Variants in LIX1L observed in about 807,000 individuals in gnomAD.
LIX1L encodes the protein LIX1-like protein.
Under a neutral mutation model 34.0 loss-of-function variants are expected in LIX1L, and 20 were observed. That is an observed-to-expected ratio of 0.59 (90% confidence interval 0.41 to 0.85). The LOEUF (loss-of-function observed/expected upper bound fraction) is 0.85, where lower values mean the gene tolerates loss of function less well. Among genes scored for constraint, LIX1L ranks in the 40% least tolerant of loss-of-function variants. The pLI, the probability that LIX1L is intolerant of heterozygous loss-of-function variation, is 0.00. For missense variants in LIX1L, 397 were observed against 447.0 expected, an observed-to-expected ratio of 0.89 and a Z score of 1.01; for synonymous variants, 170 against 187.4, an observed-to-expected ratio of 0.91 and a Z score of 0.76.
chr1:145,957,594 T>C, intron 1 of LIX1L, 42 bp downstream of exon 1: 2 of 1,453,320 alleles, frequency 1.4e-6, no homozygotes, highest in Non-Finnish European at 1.8e-6. Flanking sequence ...CAAGGCTCCC[T>C]TACAGAGGGT....
Position 145,933,989 on chromosome 1 carries a change from T to C in LIX1L, c.*2321A>G, listed in dbSNP as rs587637646. 3 of 152,302 alleles carry C rather than the reference T, an allele frequency of 2.0e-5. No homozygotes were observed. The highest frequency in any genetic ancestry group is 4.4e-5 in the Non-Finnish European group (3 of 68,016). 9.4% of individuals were successfully genotyped at this position (152,302 alleles called of 1,614,324 possible). Reference sequence around the variant, plus strand: ...CCTGTTTCATAATCTATTTTTATTGTTGTTGTTACACTTGAACTTTCTGTT... The same window carrying C: ...CCTGTTTCATAATCTATTTTTATTGCTGTTGTTACACTTGAACTTTCTGTT... On this transcript the variant is annotated 3_prime_UTR_variant, in exon 6 of 6. Coordinates refer to ENST00000604000, the MANE Select transcript of LIX1L (RefSeq NM_153713.3).
At chr1:145,938,556 A>G (rs1204889503) in intron 3 of LIX1L, among the ~76,000 whole-genome samples, 1 of 151,210 alleles carries the variant, frequency 6.6e-6, no homozygotes, top group African/African-American at 2.4e-5. Flanking sequence ...AGAATTAAAT[A>G]AAATTTTAAA....
intron 2 of LIX1L, among the ~76,000 whole-genome samples, chr1:145,945,934 A>C (rs1256930734): frequency 2.3e-5 from 3 of 132,452 alleles, no homozygotes; most frequent in African/African-American, 9.2e-5. Context: ...AAAAATACCA[A>C]AAAAAAAAAA....
In LIX1L at chr1:145,942,741, C is replaced by T. The variant is rs1553758821; in HGVS notation, c.569G>A (p.Ser190Asn). Residue 190 changes from serine to asparagine, a missense_variant, in exon 3 of 6, where the codon AGT becomes AAT. Transcript: ENST00000604000. The part of the protein sequence containing the change: ...RRITDEFIEK[S>N]VSEALASFNG... The stretch of plus-strand genomic sequence containing the variant: ...AAAAGATGCCAGGGCCTCAGAGACA[C>T]TCTTCTCGATGAACTCATCAGTGAT... 1.2e-6 allele frequency: 2 copies of T among 1,614,168 alleles called. No homozygotes were observed. The highest frequency in any genetic ancestry group is 1.7e-5 in the Admixed American group (1 of 60,020).
chr1:145,936,617 C>T, intron 5 of LIX1L, 65 bp from the exon 6 acceptor site: 1 of 1,576,140 alleles, frequency 6.3e-7, no homozygotes, highest in Non-Finnish European at 8.6e-7. Flanking sequence ...CCACACTGAC[C>T]CAACTGGGAC....
chr1:145,946,642 G>T (rs1470527439), intron 2 of LIX1L, among the ~76,000 whole-genome samples: 2 of 152,182 alleles, frequency 1.3e-5, no homozygotes, highest in Non-Finnish European at 2.9e-5. Flanking sequence ...CTATCTGCTA[G>T]GCACTAAGAT....
Position 145,958,001 on chromosome 1 carries a change from C to G in LIX1L, c.-74G>C, listed in dbSNP as rs1649560856. On this transcript the variant is annotated 5_prime_UTR_variant, in exon 1 of 6. Coordinates refer to ENST00000604000, the MANE Select transcript of LIX1L (RefSeq NM_153713.3). ...TAACGGTCCCAACCACCCCAGTCAG[C>G]TAGCGCCTGGGGACTCAGGGCGGTG... is the stretch of plus-strand genomic sequence containing the variant. 9.2e-7 allele frequency: 1 copy of G among 1,091,970 alleles called. No individual in the cohort carries two copies. The highest frequency in any genetic ancestry group is 4.0e-5 in the Admixed American group (1 of 25,054). 67.6% of individuals were successfully genotyped at this position (1,091,970 alleles called of 1,614,324 possible). A position where few individuals can be genotyped will look rare whatever the true frequency, so the allele number is the denominator to read the frequency against.
chr1:145,936,876 C>A, intron 5 of LIX1L, 32 bp downstream of exon 5: 1 of 1,426,786 alleles, frequency 7.0e-7, no homozygotes, highest in South Asian at 1.1e-5. Context: ...ATTGTGCTCC[C>A]CTCATTCGCC....
At position 145,936,049 on chromosome 1, in the gene LIX1L, T is replaced by G. The variant is rs1169170533; in HGVS notation, c.*261A>C. 1 of 440,572 alleles carries G rather than the reference T, an allele frequency of 2.3e-6. No homozygotes were observed. Among genetic ancestry groups the G allele is most frequent in the Non-Finnish European group, 4.1e-6 (1 of 246,374 alleles). The allele number at this position is 440,572 out of a possible 1,614,324, so 27.3% of individuals were successfully genotyped here. A position where few individuals can be genotyped will look rare whatever the true frequency, so the allele number is the denominator to read the frequency against. ...ATGGCTACACAGTTAATCTGGAAGT[T>G]TAAGAGCTAACAAAGCTGCAAAGAC... On this transcript the variant is annotated 3_prime_UTR_variant, in exon 6 of 6. Coordinates refer to ENST00000604000, the MANE Select transcript of LIX1L (RefSeq NM_153713.3).
At chr1:145,957,602 G>A in intron 1 of LIX1L, 34 bp downstream of exon 1, 3 of 1,469,926 alleles carry the variant, frequency 2.0e-6, no homozygotes, top group Non-Finnish European at 2.7e-6. Context: ...CCTTACAGAG[G>A]GTGTCGCGCA....
chr1:145,950,329 T>C (rs1286846936), intron 1 of LIX1L: 2 of 152,234 alleles, frequency 1.3e-5, no homozygotes, highest in African/African-American at 4.8e-5. Context: ...GAAGGAGGTC[T>C]AGATATGACA....
In LIX1L at chr1:145,936,957, T is replaced by C; in HGVS notation, c.722A>G (p.His241Arg). 1 of 1,613,334 alleles carries C rather than the reference T, an allele frequency of 6.2e-7. No individual in the cohort carries two copies. Among genetic ancestry groups the C allele is most frequent in the Non-Finnish European group, 8.5e-7 (1 of 1,179,438 alleles). ...QELMTVFQLL[H>R]WNGSLKAMRE... ...CATGGCCTTAAGGCTGCCATTCCAG[T>C]GTAGCAGTTGAAAAACTGTCATTAG... The change falls in exon 5 of 6, where the codon CAC (histidine) becomes CGC (arginine). Residue 241 changes from histidine (H) to arginine (R), a missense_variant. This residue lies in a region of LIX1L where 174 missense variants were observed against 204.0 expected (regional missense o/e 0.85). Transcript: ENST00000604000.
At chr1:145,946,312 C>A (rs1340185417) in intron 2 of LIX1L, among the ~76,000 whole-genome samples, 1 of 151,372 alleles carries the variant, frequency 6.6e-6, no homozygotes, top group Non-Finnish European at 1.5e-5. Context: ...AATTCTCCTG[C>A]CTCAGCCTCC....
Position 145,957,747 on chromosome 1 carries a change from C to G in LIX1L, c.181G>C (p.Ala61Pro), listed in dbSNP as rs587627164. Reference protein sequence around the residue: ...PPPPPLLLSGAPGLPLPPGAA... With the variant: ...PPPPPLLLSGPPGLPLPPGAA... ...CCGGGGGGCAGGGGTAGTCCTGGGG[C>G]CCCAGACAGGAGCAGCGGCGGCGGG... is the stretch of plus-strand genomic sequence containing the variant. The change falls in exon 1 of 6, where the codon GCC becomes CCC. Residue 61 changes from alanine to proline, a missense_variant. Ala to Pro is a conservative substitution (Grantham distance 27). Coordinates refer to ENST00000604000, the MANE Select transcript of LIX1L (RefSeq NM_153713.3). The G allele has an allele frequency of 1.6e-4, 223 of 1,407,818 alleles. No homozygotes were observed. The African/African-American group carries it at 3.0e-3, about 19-fold the overall frequency. 87.2% of individuals were successfully genotyped at this position (1,407,818 alleles called of 1,614,324 possible).
Position 145,936,455 on chromosome 1 carries a change from G to A in LIX1L, c.869C>T (p.Ala290Val). 6.2e-7 allele frequency: 1 copy of A among 1,614,110 alleles called. No individual in the cohort carries two copies. The highest frequency in any genetic ancestry group is 8.5e-7 in the Non-Finnish European group (1 of 1,180,030). ...WVSREQSVPG[A>V]LSRELASTER... The stretch of plus-strand genomic sequence containing the variant: ...AGTAGAGGCCAGCTCTCTAGACAGT[G>A]CCCCCGGCACACTCTGCTCCCGGCT... The change falls in exon 6 of 6, where the codon GCA (alanine) becomes GTA (valine). Residue 290 changes from alanine (A) to valine (V), a missense_variant. Coordinates refer to ENST00000604000, the MANE Select transcript of LIX1L (RefSeq NM_153713.3).
At position 145,957,841 on chromosome 1, in the gene LIX1L, A is replaced by G; in HGVS notation, c.87T>C (p.Thr29=). ...GTLRALRPGV[T]GAAAATATPP... ...GTGTGGCGGTGGCGGCCGCGGCCCC[A>G]GTCACTCCGGGCCGCAGCGCTCGGA... The change falls in exon 1 of 6, where the codon ACT becomes ACC. Residue 29 remains threonine (T), a synonymous_variant. Coordinates refer to ENST00000604000, the MANE Select transcript of LIX1L (RefSeq NM_153713.3). 2 of 1,423,550 alleles carry G rather than the reference A, an allele frequency of 1.4e-6. 1 individual carries two copies. The highest frequency in any genetic ancestry group is 2.9e-5 in the South Asian group (2 of 68,626). 88.2% of individuals were successfully genotyped at this position (1,423,550 alleles called of 1,614,324 possible).
rs1553757522 is a variant in LIX1L at position 145,934,871 on chromosome 1, A to C, written c.*1439T>G. ...AACAAAAACAAAAACAAAACCAAAA[A>C]AAAACCACAAATAGGCCAGGCTCAG... is the stretch of plus-strand genomic sequence containing the variant. On this transcript the variant is annotated 3_prime_UTR_variant, in exon 6 of 6. Transcript: ENST00000604000. 1 of 151,958 alleles carries C rather than the reference A, an allele frequency of 6.6e-6. No homozygotes were observed. Among genetic ancestry groups the C allele is most frequent in the Non-Finnish European group, 1.5e-5 (1 of 68,298 alleles). 9.4% of individuals were successfully genotyped at this position (151,958 alleles called of 1,614,324 possible).
Position 145,954,390 on chromosome 1 carries a change from T to C in LIX1L, c.292+3246A>G, listed in dbSNP as rs587757138. Among the ~76,000 whole-genome samples, 7 of 152,258 alleles carry C rather than the reference T, an allele frequency of 4.6e-5. No individual in the cohort carries two copies. In the South Asian group the frequency reaches 1.0e-3, roughly 23 times the overall value. ...GGAACTAATCCAGCATTTCCAAAAA[T>C]TGGAAATATTCAGCCCAACCCATTT... On this transcript the variant is annotated intron_variant, in intron 1 of 5. Coordinates refer to ENST00000604000, the MANE Select transcript of LIX1L (RefSeq NM_153713.3).
At chr1:145,952,584 A>T (rs7521917) in intron 1 of LIX1L, among the ~76,000 whole-genome samples, 10,715 of 152,036 alleles carry the variant, frequency 0.07, 1,296 homozygotes, top group African/African-American at 0.24. Flanking sequence ...TGGGAATGAG[A>T]GGTAGTGATC....
Sources: gnomAD v4.1 joint callset for allele counts (sites outside exome capture counted in the v4.1 genomes callset) on GRCh38, gnomAD v4.1.1 for gene constraint, gnomAD v4.1.1 regional missense constraint, MANE v1.5 for transcripts, NCBI Gene and HGNC (gene_info 2026-07-23, HGNC 2026-07-21) for gene names.